ADAMTSL1: variants seen among roughly 807,000 people sequenced by gnomAD.
ADAMTSL1 encodes the protein ADAMTS-like protein 1.
In ADAMTSL1, 126 loss-of-function variants were observed where a neutral mutation model predicts 201.8. The observed-to-expected ratio is 0.62, with a 90% CI of 0.54 to 0.72. The LOEUF is 0.72. ADAMTSL1 is among the 30% of genes least tolerant of loss of function. ADAMTSL1 has a pLI of 0.00. For missense variants in ADAMTSL1, 2,679 were observed against 2,277.8 expected (o/e 1.18, Z -3.59); for synonymous variants, 1,121 against 903.4 (o/e 1.24, Z -4.32).
At chr9:17,925,654 A>G (rs1279806043) in intron 1 of ADAMTSL1, among the ~76,000 whole-genome samples, 1 of 132,108 alleles carries the variant, frequency 7.6e-6, no homozygotes, top group African/African-American at 2.8e-5. Flanking sequence ...GAATTGAACA[A>G]TGAGATCACA....
At chr9:18,671,481 T>C (rs1829807039) in intron 9 of ADAMTSL1, among the ~76,000 whole-genome samples, 1 of 152,166 alleles carries the variant, frequency 6.6e-6, no homozygotes, top group African/African-American at 2.4e-5. Context: ...AGATGACAAC[T>C]GGAAGAACTG....
rs143430417 is a variant in ADAMTSL1, at chr9:17,919,678, T to C, written c.87+12756T>C. On this transcript the variant is annotated intron_variant, in intron 1 of 29. Coordinates refer to the ADAMTSL1 transcript ENST00000680146. ...CATTCCTTTCTATGGCTGAGTATTATTCCATTGTATGAATATAACACATTT... is the reference window on the plus strand; with the variant it reads ...CATTCCTTTCTATGGCTGAGTATTACTCCATTGTATGAATATAACACATTT... Among the ~76,000 whole-genome samples the C allele has an allele frequency of 4.8e-3, 726 of 152,286 alleles. 7 individuals are homozygous for C. The highest frequency in any genetic ancestry group is 0.016 in the African/African-American group (684 of 41,578).
At chr9:18,848,424 A>G (rs1424648385) in intron 23 of ADAMTSL1, among the ~76,000 whole-genome samples, 1 of 152,194 alleles carries the variant, frequency 6.6e-6, no homozygotes, top group Admixed American at 6.5e-5. Flanking sequence ...GTTCTTTGCT[A>G]TTCAGACCTA....
intron 1 of ADAMTSL1, among the ~76,000 whole-genome samples, chr9:18,478,607 C>A (rs1198543915): frequency 6.6e-6 from 1 of 152,170 alleles, no homozygotes; most frequent in African/African-American, 2.4e-5. Flanking sequence ...GAATGACACG[C>A]TCTCAGGTCC....
chr9:17,986,875 A>T (rs1391326187), intron 1 of ADAMTSL1, among the ~76,000 whole-genome samples: 3 of 152,074 alleles, frequency 2.0e-5, no homozygotes, highest in Non-Finnish European at 2.9e-5. Flanking sequence ...TTGGGGGGAG[A>T]TTATAAAGGT....
Position 18,501,960 on chromosome 9 carries a change from A to C in ADAMTSL1, c.64-2869A>C, listed in dbSNP as rs72688619. On this transcript the variant is annotated intron_variant, in intron 1 of 28. Transcript: ENST00000380548. ...CATTGAAGCTTTTAGTACTTCTTCA[A>C]ACAAGGCACATGAAAAATATCAAGG... 3.7e-3 allele frequency among the ~76,000 whole-genome samples: 562 copies of C among 152,344 alleles called. 11 individuals are homozygous for C. The highest frequency in any genetic ancestry group is 1.1e-3 in the Non-Finnish European group (76 of 68,034).
rs368617811 is a variant in ADAMTSL1 at position 18,190,620 on chromosome 9, C to T, written c.207+26639C>T. Among the ~76,000 whole-genome samples the T allele has an allele frequency of 3.3e-5, 5 of 152,274 alleles. No homozygotes were observed. In the South Asian group the frequency reaches 6.2e-4, roughly 19 times the overall value. ...CACTGAGTCTAACAGCAGCTTTCTC[C>T]AAATTTGAACCCATTAAATAAATCC... On this transcript the variant is annotated intron_variant, in intron 2 of 29. Transcript: ENST00000680146.
intron 1 of ADAMTSL1, among the ~76,000 whole-genome samples, chr9:17,935,047 T>C (rs1826949921): frequency 6.6e-6 from 1 of 152,160 alleles, no homozygotes; most frequent in Non-Finnish European, 1.5e-5. Context: ...TCTTTTATTA[T>C]CTCTTGAATG....
At chr9:18,842,882 G>A (rs1825819962) in intron 23 of ADAMTSL1, among the ~76,000 whole-genome samples, 1 of 151,954 alleles carries the variant, frequency 6.6e-6, no homozygotes, top group Admixed American at 6.6e-5. Flanking sequence ...TTTTCCATTT[G>A]CTTGGTAGAT....
rs1304370234 is a variant in ADAMTSL1, at chr9:18,657,558, ATATACTCT to A, written c.835-79_835-72del. 6.8e-6 allele frequency: 7 copies of A among 1,023,316 alleles called. No homozygotes were observed. In the Admixed American group the frequency reaches 1.3e-4, roughly 19 times the overall value. 63.4% of individuals were successfully genotyped at this position (1,023,316 alleles called of 1,614,324 possible). On this transcript the variant is annotated intron_variant, in intron 7 of 28. Coordinates refer to ENST00000380548, the MANE Select transcript of ADAMTSL1 (RefSeq NM_001040272.6). ...ACAGCCTAAAACCATCAGCACTACC[ATATACTCT>A]TGTTCGAAGCTGCAAGGGACCAGAA...
intron 1 of ADAMTSL1, among the ~76,000 whole-genome samples, chr9:18,105,798 T>G (rs1159592592): frequency 6.6e-6 from 1 of 152,214 alleles, no homozygotes; most frequent in African/African-American, 2.4e-5. Context: ...TCATTTTTCC[T>G]TTTGGGAAAA....
intron 1 of ADAMTSL1, among the ~76,000 whole-genome samples, chr9:17,971,718 T>C (rs1473821353): frequency 6.6e-6 from 1 of 152,010 alleles, no homozygotes; most frequent in Non-Finnish European, 1.5e-5. Flanking sequence ...AGTTTTGTTT[T>C]GGTAGTTCTT....
intron 1 of ADAMTSL1, among the ~76,000 whole-genome samples, chr9:18,481,435 C>T (rs965502620): frequency 6.6e-5 from 10 of 151,588 alleles, no homozygotes; most frequent in South Asian, 2.1e-4. Context: ...ATCCCAGCTA[C>T]GGAGATTAAG....
intron 2 of ADAMTSL1, among the ~76,000 whole-genome samples, chr9:18,455,896 G>C (rs551876696): frequency 6.6e-6 from 1 of 152,100 alleles, no homozygotes; most frequent in Non-Finnish European, 1.5e-5. Context: ...TTTAAAGAAA[G>C]AGACCCAAAA....
chr9:18,433,714 T>A (rs1819596953), intron 2 of ADAMTSL1, among the ~76,000 whole-genome samples: 1 of 152,158 alleles, frequency 6.6e-6, no homozygotes, highest in Non-Finnish European at 1.5e-5. Flanking sequence ...CAAAGCTAAT[T>A]AAACCTAACT....
At chr9:18,880,962 G>GTTTC (rs1244251004) in intron 23 of ADAMTSL1, among the ~76,000 whole-genome samples, 1 of 152,154 alleles carries the variant, frequency 6.6e-6, no homozygotes, top group African/African-American at 2.4e-5. Context: ...AAGAGAGACT[G>GTTTC]TTTCTTTCCT....
intron 2 of ADAMTSL1, among the ~76,000 whole-genome samples, chr9:18,363,064 C>A (rs953675416): frequency 7.2e-5 from 11 of 152,210 alleles, no homozygotes; most frequent in African/African-American, 2.7e-4. Context: ...GATATCAGAA[C>A]TTCCTCTTTC....
intron 2 of ADAMTSL1, among the ~76,000 whole-genome samples, chr9:18,399,326 TATAA>T (rs1378694848): frequency 2.1e-4 from 23 of 112,026 alleles, no homozygotes; most frequent in Middle Eastern, 9.5e-3. Flanking sequence ...TATATATATA[TATAA>T]AATTATTATT....
At chr9:18,799,555 G>A (rs1157197266) in intron 20 of ADAMTSL1, among the ~76,000 whole-genome samples, 2 of 152,130 alleles carry the variant, frequency 1.3e-5, no homozygotes, top group Non-Finnish European at 2.9e-5. Context: ...AACATTTTTG[G>A]TTGTTATTGA....
Sources: allele counts gnomAD v4.1 joint callset (sites outside exome capture counted in the v4.1 genomes callset), GRCh38; gene constraint gnomAD v4.1.1; transcripts MANE v1.5; gene names NCBI Gene and HGNC (gene_info 2026-07-23, HGNC 2026-07-21).